The following KLHL32 variants were observed in gnomAD, a reference collection of about 807,000 sequenced individuals.
KLHL32 encodes kelch-like protein 32.
Under a neutral mutation model 64.8 loss-of-function variants are expected in KLHL32, and 35 were observed. The ratio of observed to expected loss-of-function variants is 0.54; its 90% CI spans 0.41 to 0.72. The LOEUF (loss-of-function observed/expected upper bound fraction) is 0.72, where lower values mean the gene tolerates loss of function less well. Ranked by LOEUF, KLHL32 falls within the 30% of genes least tolerant of loss-of-function variation. The pLI, the probability that KLHL32 is intolerant of heterozygous loss-of-function variation, is 0.00. For synonymous variants in KLHL32, 259 were observed against 281.0 expected, an observed-to-expected ratio of 0.92 and a Z score of 0.78; for missense variants, 589 against 768.5, an observed-to-expected ratio of 0.77 and a Z score of 2.76.
At chr6:97,098,644 T>C (rs1795304137) in intron 6 of KLHL32, among the ~76,000 whole-genome samples, 1 of 152,224 alleles carries the variant, frequency 6.6e-6, no homozygotes, top group Non-Finnish European at 1.5e-5. Context: ...TGAATCCAGT[T>C]GCTGTTTTAA....
chr6:97,133,726 G>A (rs765823771), intron 10 of KLHL32, among the ~76,000 whole-genome samples: 1 of 152,002 alleles, frequency 6.6e-6, no homozygotes, highest in Non-Finnish European at 1.5e-5. Context: ...ACAGAGGTTT[G>A]TCTGGGGAAT....
chr6:96,957,183 T>G (rs547894474), intron 1 of KLHL32, among the ~76,000 whole-genome samples: 3 of 152,222 alleles, frequency 2.0e-5, no homozygotes, highest in Admixed American at 6.5e-5. Flanking sequence ...ATTTGATGAA[T>G]GAACAGTCTA....
chr6:97,136,195 T>C (rs966342370), intron 10 of KLHL32, among the ~76,000 whole-genome samples: 2 of 151,996 alleles, frequency 1.3e-5, no homozygotes, highest in Admixed American at 1.3e-4. Context: ...AAGTACTAAT[T>C]TTTTTTTGCC....
chr6:97,100,965 G>GTTTTTTTTTTTTT (rs1562337104), intron 6 of KLHL32, among the ~76,000 whole-genome samples: 1 of 43,254 alleles, frequency 2.3e-5, no homozygotes, highest in African/African-American at 1.1e-4. Context: ...CTGCAGCCAA[G>GTTTTTTTTTTTTT]CTTTTTTTTT....
intron 6 of KLHL32, among the ~76,000 whole-genome samples, chr6:97,097,146 A>T (rs1487028011): frequency 6.6e-6 from 1 of 152,156 alleles, no homozygotes; most frequent in Non-Finnish European, 1.5e-5. Flanking sequence ...TTTAAGAGTA[A>T]TTTCAGATTG....
chr6:96,932,427 G>A (rs1004988458), intron 1 of KLHL32, among the ~76,000 whole-genome samples: 2 of 151,912 alleles, frequency 1.3e-5, no homozygotes, highest in Admixed American at 6.6e-5. Context: ...CTCATGCACA[G>A]CCCTTAGGCC....
chr6:96,957,242 C>A (rs1031008385), intron 1 of KLHL32, among the ~76,000 whole-genome samples: 3 of 152,042 alleles, frequency 2.0e-5, no homozygotes, highest in African/African-American at 4.8e-5. Flanking sequence ...AAAATGGAGT[C>A]TGGATTACAT....
At chr6:97,033,645 C>A (rs76475061) in intron 3 of KLHL32, among the ~76,000 whole-genome samples, 2,800 of 152,144 alleles carry the variant, frequency 0.018, 33 homozygotes, top group East Asian at 0.071. Flanking sequence ...TTACAACCAA[C>A]AATAAACAAG....
At chr6:96,913,912 G>C in the KLHL32 span, among the ~76,000 whole-genome samples, 1 of 152,184 alleles carries the variant, frequency 6.6e-6, no homozygotes, top group East Asian at 1.9e-4. Context: ...GGAGAATTAA[G>C]ACTGCAGATG....
At chr6:97,103,445 C>T (rs1172552463) in intron 6 of KLHL32, among the ~76,000 whole-genome samples, 1 of 152,136 alleles carries the variant, frequency 6.6e-6, no homozygotes, top group Non-Finnish European at 1.5e-5. Context: ...GATCTCCTGA[C>T]CTTGTGATCT....
At chr6:97,034,912 T>C (rs1784068353) in intron 3 of KLHL32, among the ~76,000 whole-genome samples, 1 of 152,036 alleles carries the variant, frequency 6.6e-6, no homozygotes, top group South Asian at 2.1e-4. Flanking sequence ...ATCTTCAGGG[T>C]TTCCTACGTA....
chr6:96,932,461 C>CT (rs529857315), intron 1 of KLHL32, among the ~76,000 whole-genome samples: 14 of 151,386 alleles, frequency 9.2e-5, no homozygotes, highest in Middle Eastern at 3.4e-3. Context: ...TTTAACTTGA[C>CT]TTTTTTCTGA....
intron 3 of KLHL32, among the ~76,000 whole-genome samples, chr6:97,015,359 A>G (rs2128098143): frequency 6.6e-6 from 1 of 152,286 alleles, no homozygotes; most frequent in Middle Eastern, 3.4e-3. Context: ...AGATGTGGGA[A>G]AGTTTGAAGC....
At chr6:96,927,248 C>T (rs557819153) in intron 1 of KLHL32, among the ~76,000 whole-genome samples, 11 of 152,096 alleles carry the variant, frequency 7.2e-5, no homozygotes, top group Non-Finnish European at 1.0e-4. Flanking sequence ...GAGAAAAACT[C>T]AGTTGAGTGC....
intron 1 of KLHL32, among the ~76,000 whole-genome samples, chr6:96,964,914 G>C (rs901011615): frequency 6.6e-6 from 1 of 152,096 alleles, no homozygotes; most frequent in Non-Finnish European, 1.5e-5. Context: ...TGTTACATGG[G>C]TATATTGCAT....
At chr6:96,910,388 AG>A in the KLHL32 span, among the ~76,000 whole-genome samples, 4 of 152,208 alleles carry the variant, frequency 2.6e-5, no homozygotes, top group African/African-American at 9.6e-5. Context: ...GGAGGAAAGA[AG>A]GGCTTGCTCC....
intron 3 of KLHL32, among the ~76,000 whole-genome samples, chr6:97,024,401 C>CTT (rs11314105): frequency 9.9e-5 from 13 of 131,836 alleles, no homozygotes; most frequent in Admixed American, 5.2e-4. Context: ...TTTGTTGTTG[C>CTT]TTTTTTTTTT....
At chr6:97,103,096 A>G (rs1333615125) in intron 6 of KLHL32, among the ~76,000 whole-genome samples, 1 of 151,960 alleles carries the variant, frequency 6.6e-6, no homozygotes, top group Non-Finnish European at 1.5e-5. Context: ...CATTATATAT[A>G]AATAAACGTA....
intron 3 of KLHL32, among the ~76,000 whole-genome samples, chr6:96,986,808 C>T (rs756177842): frequency 6.6e-6 from 1 of 152,226 alleles, no homozygotes; most frequent in Non-Finnish European, 1.5e-5. Flanking sequence ...TTCCCTGACC[C>T]CTTGCACTTC....
Sources: gnomAD v4.1 joint callset for allele counts (sites outside exome capture counted in the v4.1 genomes callset) on GRCh38, gnomAD v4.1.1 for gene constraint, MANE v1.5 for transcripts, NCBI Gene and HGNC (gene_info 2026-07-23, HGNC 2026-07-21) for gene names.